Variants in SNX18 observed in about 807,000 individuals in gnomAD.
SNX18 encodes the protein sorting nexin-18.
Under a neutral mutation model 48.7 loss-of-function variants are expected in SNX18, and 35 were observed. That is an observed-to-expected ratio of 0.72 (90% CI 0.55 to 0.95). The LOEUF (loss-of-function observed/expected upper bound fraction) is 0.95. Ranked by LOEUF, SNX18 falls within the 40% of genes least tolerant of loss-of-function variation. The pLI, the probability that SNX18 is intolerant of heterozygous loss-of-function variation, is 0.00. For synonymous variants in SNX18, 492 were observed against 384.7 expected (o/e 1.28, Z -3.26); for missense variants, 824 against 871.0 (o/e 0.95, Z 0.68).
the SNX18 span, among the ~76,000 whole-genome samples, chr5:54,597,101 A>C: frequency 1.3e-5 from 2 of 152,228 alleles, no homozygotes; most frequent in African/African-American, 4.8e-5. Context: ...CAGGGGTTGC[A>C]ATCCTAGTTT....
the SNX18 span, among the ~76,000 whole-genome samples, chr5:54,580,232 C>T: frequency 1.3e-5 from 2 of 152,260 alleles, no homozygotes; most frequent in Admixed American, 6.5e-5. Context: ...TTAACAAATA[C>T]TAGTCTCTGT....
the SNX18 span, among the ~76,000 whole-genome samples, chr5:54,609,939 G>A: frequency 1.3e-5 from 2 of 151,948 alleles, no homozygotes; most frequent in African/African-American, 4.8e-5. Context: ...GTGAATTCTC[G>A]TGAGATCTGG....
chr5:54,575,011 C>T, the SNX18 span, among the ~76,000 whole-genome samples: 11 of 152,144 alleles, frequency 7.2e-5, no homozygotes, highest in Non-Finnish European at 4.4e-5. Flanking sequence ...TGTTTTTGGT[C>T]CAATCTACTC....
chr5:54,614,639 T>C, the SNX18 span, among the ~76,000 whole-genome samples: 1 of 151,954 alleles, frequency 6.6e-6, no homozygotes, highest in Non-Finnish European at 1.5e-5. Context: ...AAACCCCATC[T>C]CTACAAAAAA....
rs1762558071 is a variant in SNX18, at chr5:54,545,349, C to T, written c.*1917C>T. 6.6e-6 allele frequency: 1 copy of T among 151,726 alleles called. No homozygotes were observed. Among genetic ancestry groups the T allele is most frequent in the Admixed American group, 6.6e-5 (1 of 15,218 alleles). 9.4% of individuals were successfully genotyped at this position (151,726 alleles called of 1,614,324 possible). A position where few individuals can be genotyped will look rare whatever the true frequency, so the allele number is the denominator to read the frequency against. On this transcript the variant is annotated 3_prime_UTR_variant, in exon 2 of 2. Coordinates refer to ENST00000381410, the MANE Select transcript of SNX18 (RefSeq NM_001102575.2). ...GAGTCTGTATTGGACAAATAAGCAC[C>T]ATGCTTTTCAAATGATTTAAAAATT...
At chr5:54,620,604 T>C in the SNX18 span, among the ~76,000 whole-genome samples, 1 of 151,940 alleles carries the variant, frequency 6.6e-6, no homozygotes, top group Non-Finnish European at 1.5e-5. Flanking sequence ...GAATGAGAGG[T>C]GACACAAGAA....
the SNX18 span, among the ~76,000 whole-genome samples, chr5:54,617,432 G>C: frequency 6.6e-6 from 1 of 152,166 alleles, no homozygotes; most frequent in Non-Finnish European, 1.5e-5. Flanking sequence ...GGTAGAAATG[G>C]TGTACTTCCC....
chr5:54,560,362 C>T, the SNX18 span, among the ~76,000 whole-genome samples: 5 of 152,202 alleles, frequency 3.3e-5, no homozygotes, highest in East Asian at 1.9e-4. Context: ...CCTTAGCAAA[C>T]GAATATAGGA....
At chr5:54,539,393 C>G (rs1272877438) in intron 1 of SNX18, among the ~76,000 whole-genome samples, 1 of 152,176 alleles carries the variant, frequency 6.6e-6, no homozygotes, top group Non-Finnish European at 1.5e-5. Context: ...TGGAAAGTGC[C>G]TAGCATATGT....
intron 1 of SNX18, among the ~76,000 whole-genome samples, chr5:54,521,784 TCTCTAA>T (rs1189739629): frequency 1.3e-5 from 2 of 152,150 alleles, no homozygotes; most frequent in African/African-American, 4.8e-5. Flanking sequence ...CCCAGGCTTG[TCTCTAA>T]CTCTTGGGCT....
the SNX18 span, among the ~76,000 whole-genome samples, chr5:54,647,934 T>C: frequency 6.6e-6 from 1 of 151,960 alleles, no homozygotes; most frequent in Non-Finnish European, 1.5e-5. Flanking sequence ...GTTCCCAGTT[T>C]ATTATTTAGG....
chr5:54,551,195 G>T (rs1762651550), downstream of SNX18, among the ~76,000 whole-genome samples: 1 of 152,104 alleles, frequency 6.6e-6, no homozygotes, highest in Non-Finnish European at 1.5e-5. Context: ...TATCTTGTTT[G>T]GACAGTGGAC....
rs1761935927 is a variant in SNX18, at chr5:54,518,687, G to A, written c.735G>A (p.Leu245=). The A allele has an allele frequency of 6.4e-7, 1 of 1,573,582 alleles. No homozygotes were observed. Among genetic ancestry groups the A allele is most frequent in the Non-Finnish European group, 8.6e-7 (1 of 1,160,646 alleles). The change falls in exon 1 of 2, where the codon CTG becomes CTA. Residue 245 remains leucine, a synonymous_variant. Transcript: ENST00000381410. ...AGTCCGGCGGGGAGGCCTTCGTGCT[G>A]GGGGAGGCGTCAGGCTTCGTGAAGG... ...FVKSGGEAFV[L]GEASGFVKDG...
Position 54,545,659 on chromosome 5 carries a change from CATTA to C in SNX18, c.*2231_*2234del, listed in dbSNP as rs907506592. 1.8e-4 allele frequency: 27 copies of C among 152,256 alleles called. No homozygotes were observed. The highest frequency in any genetic ancestry group is 6.0e-4 in the African/African-American group (25 of 41,556). The allele number at this position is 152,256 out of a possible 1,614,324, so 9.4% of individuals were successfully genotyped here. The stretch of plus-strand genomic sequence containing the variant: ...ATGCCACTGATTCATACGGGATTTA[CATTA>C]ATTCTATGGGGGAGGACACTAGAAT... On this transcript the variant is annotated 3_prime_UTR_variant, in exon 2 of 2. Coordinates refer to ENST00000381410, the MANE Select transcript of SNX18 (RefSeq NM_001102575.2).
chr5:54,567,274 G>C, the SNX18 span, among the ~76,000 whole-genome samples: 1 of 151,876 alleles, frequency 6.6e-6, no homozygotes, highest in South Asian at 2.1e-4. Flanking sequence ...AGTATGTCAT[G>C]GTCCTCAGGA....
the SNX18 span, among the ~76,000 whole-genome samples, chr5:54,603,450 G>T: frequency 6.6e-6 from 1 of 151,992 alleles, no homozygotes; most frequent in Non-Finnish European, 1.5e-5. Flanking sequence ...TTTTAAGAAG[G>T]CTTGAGAGAT....
intron 1 of SNX18, among the ~76,000 whole-genome samples, chr5:54,536,845 A>G (rs922947694): frequency 1.3e-5 from 2 of 152,214 alleles, no homozygotes; most frequent in African/African-American, 4.8e-5. Flanking sequence ...CAGTCCTACC[A>G]ACAGTGTAAA....
the SNX18 span, among the ~76,000 whole-genome samples, chr5:54,567,790 C>G: frequency 1.3e-5 from 2 of 152,176 alleles, no homozygotes; most frequent in Non-Finnish European, 2.9e-5. Context: ...GGCACCTCAC[C>G]TCGACCCAGC....
intron 1 of SNX18, among the ~76,000 whole-genome samples, chr5:54,523,038 T>C (rs1449361742): frequency 1.3e-5 from 2 of 152,178 alleles, no homozygotes; most frequent in Admixed American, 6.5e-5. Flanking sequence ...TCTATTGGAA[T>C]TTTATTTGTG....
Sources: gnomAD v4.1 joint callset for allele counts (sites outside exome capture counted in the v4.1 genomes callset) on GRCh38, gnomAD v4.1.1 for gene constraint, MANE v1.5 for transcripts, NCBI Gene and HGNC (gene_info 2026-07-23, HGNC 2026-07-21) for gene names.